Variants in KLRG1 observed in about 807,000 individuals in gnomAD.
KLRG1 encodes killer cell lectin-like receptor subfamily G member 1.
KLRG1 carries 16 observed loss-of-function variants against 21.8 expected under a neutral mutation model. That is an observed-to-expected ratio of 0.73 (90% CI 0.50 to 1.11). KLRG1 has a LOEUF of 1.11. KLRG1 is among the 50% of genes most tolerant of loss of function. The probability of loss-of-function intolerance (pLI) is 0.00; values close to 1 mark genes in which losing one functional copy is unlikely to be tolerated. For missense variants in KLRG1, 173 were observed against 218.3 expected, an observed-to-expected ratio of 0.79 and a Z score of 1.31; for synonymous variants, 69 against 75.9, an observed-to-expected ratio of 0.91 and a Z score of 0.47.
intron 1 of KLRG1, among the ~76,000 whole-genome samples, chr12:8,984,225 T>C (rs1383016460): frequency 6.6e-6 from 1 of 152,098 alleles, no homozygotes; most frequent in Non-Finnish European, 1.5e-5. Context: ...ATTATTGAGA[T>C]GGAGTCTCGC....
chr12:8,994,736 C>T (rs1265465527), intron 2 of KLRG1, among the ~76,000 whole-genome samples: 3 of 152,180 alleles, frequency 2.0e-5, no homozygotes, highest in Admixed American at 2.0e-4. Context: ...AGAGCAAAGA[C>T]AGTACACAGA....
chr12:9,076,121 A>G, the KLRG1 span, among the ~76,000 whole-genome samples: 1 of 152,234 alleles, frequency 6.6e-6, no homozygotes, highest in Non-Finnish European at 1.5e-5. Context: ...TGGGCTTAAA[A>G]TACCAGAATT....
the KLRG1 span, chr12:9,152,730 A>G: frequency 1.5e-6 from 2 of 1,313,456 alleles, no homozygotes; most frequent in Non-Finnish European, 2.1e-6. Context: ...AATTATATTA[A>G]TCTAATAACA....
chr12:8,994,104 G>A (rs775804567), intron 2 of KLRG1, among the ~76,000 whole-genome samples: 20 of 152,018 alleles, frequency 1.3e-4, no homozygotes, highest in East Asian at 1.9e-4. Context: ...TTGCTCTGTC[G>A]CCCAGGCAGG....
At chr12:9,052,585 C>T in the KLRG1 span, among the ~76,000 whole-genome samples, 5 of 152,224 alleles carry the variant, frequency 3.3e-5, no homozygotes, top group Non-Finnish European at 7.3e-5. Context: ...ATCTGTCCTT[C>T]TGCATTCAGC....
the KLRG1 span, among the ~76,000 whole-genome samples, chr12:9,215,511 A>G: frequency 6.6e-6 from 1 of 152,134 alleles, no homozygotes; most frequent in Admixed American, 6.5e-5. Context: ...TTTATACAAT[A>G]TGTAACTCTT....
chr12:9,111,789 A>C, the KLRG1 span, among the ~76,000 whole-genome samples: 1 of 152,196 alleles, frequency 6.6e-6, no homozygotes, highest in Non-Finnish European at 1.5e-5. Flanking sequence ...TTTCCTTTAT[A>C]GTGAAGATTT....
the KLRG1 span, chr12:9,165,005 T>C: frequency 8.3e-6 from 9 of 1,088,176 alleles, no homozygotes; most frequent in Non-Finnish European, 9.5e-6. Context: ...CTGCTTTGCA[T>C]AGCACTAATT....
At chr12:9,157,383 A>G in the KLRG1 span, 1 of 1,596,824 alleles carries the variant, frequency 6.3e-7, no homozygotes, top group Non-Finnish European at 8.5e-7. Context: ...GGTTGTGTCA[A>G]ACTAGGGTGA....
intron 3 of KLRG1, among the ~76,000 whole-genome samples, chr12:9,000,489 G>A (rs756650785): frequency 2.0e-5 from 3 of 152,172 alleles, no homozygotes; most frequent in South Asian, 2.1e-4. Flanking sequence ...TCACATTGTT[G>A]TACAACCATC....
chr12:9,202,241 T>C, the KLRG1 span: 15 of 1,308,510 alleles, frequency 1.1e-5, no homozygotes, highest in South Asian at 1.7e-4. Context: ...CTCTCGCTTT[T>C]CTTGTACCTT....
chr12:9,013,805 T>C (rs1947663802), downstream of KLRG1, among the ~76,000 whole-genome samples: 2 of 152,150 alleles, frequency 1.3e-5, no homozygotes, highest in Non-Finnish European at 2.9e-5. Flanking sequence ...TTGTGGGAGC[T>C]ATAATTCAAG....
At chr12:9,134,812 G>C in the KLRG1 span, among the ~76,000 whole-genome samples, 1 of 152,364 alleles carries the variant, frequency 6.6e-6, no homozygotes, top group South Asian at 2.1e-4. Flanking sequence ...AGGCTCTGCA[G>C]CCAGGGGTGG....
chr12:9,177,011 G>A, the KLRG1 span, among the ~76,000 whole-genome samples: 2 of 152,170 alleles, frequency 1.3e-5, no homozygotes, highest in African/African-American at 4.8e-5. Flanking sequence ...TTTTACATGT[G>A]AGAGCTCATG....
upstream of KLRG1, among the ~76,000 whole-genome samples, chr12:8,986,276 T>C (rs1946840939): frequency 6.6e-6 from 1 of 152,248 alleles, no homozygotes; most frequent in Non-Finnish European, 1.5e-5. Flanking sequence ...CTTTAATGAA[T>C]AGTTACTATT....
At chr12:9,183,538 T>A in the KLRG1 span, among the ~76,000 whole-genome samples, 1 of 152,296 alleles carries the variant, frequency 6.6e-6, no homozygotes, top group South Asian at 2.1e-4. Flanking sequence ...TAGCTGGGAC[T>A]ATAGGTGCAC....
chr12:9,172,585 G>A, the KLRG1 span, among the ~76,000 whole-genome samples: 3,768 of 152,278 alleles, frequency 0.025, 71 homozygotes, highest in Non-Finnish European at 0.039. Flanking sequence ...CTATCTTCAA[G>A]AGACTCATCT....
the KLRG1 span, among the ~76,000 whole-genome samples, chr12:9,123,457 G>T: frequency 2.0e-5 from 3 of 151,908 alleles, no homozygotes; most frequent in African/African-American, 7.2e-5. Context: ...AAGTGACTGG[G>T]GTGGGGGTTA....
At chr12:9,202,276 C>G in the KLRG1 span, 5 of 1,512,884 alleles carry the variant, frequency 3.3e-6, no homozygotes, top group Non-Finnish European at 4.6e-6. Flanking sequence ...GGTGAGTATT[C>G]CCACTCTACC....
Sources: gnomAD v4.1 joint callset for allele counts (sites outside exome capture counted in the v4.1 genomes callset) on GRCh38, gnomAD v4.1.1 for gene constraint, MANE v1.5 for transcripts, NCBI Gene and HGNC (gene_info 2026-07-23, HGNC 2026-07-21) for gene names.